The following UBE2D3 variants were observed in gnomAD, a reference collection of about 807,000 sequenced individuals.
The protein encoded by UBE2D3 is ubiquitin-conjugating enzyme E2 D3.
UBE2D3 carries 2 observed loss-of-function variants against 22.8 expected under a neutral mutation model. That is an observed-to-expected ratio of 0.09 (90% CI 0.04 to 0.28). UBE2D3 has a LOEUF of 0.28. Among genes scored for constraint, UBE2D3 ranks in the 10% least tolerant of loss-of-function variants. The probability of loss-of-function intolerance (pLI) is 1.00; values close to 1 mark genes in which losing one functional copy is unlikely to be tolerated. For synonymous variants in UBE2D3, 56 were observed against 60.4 expected, an observed-to-expected ratio of 0.93 and a Z score of 0.34; for missense variants, 27 against 182.5, an observed-to-expected ratio of 0.15 and a Z score of 4.91.
chr4:102,799,448 T>C lies in UBE2D3; in HGVS notation c.357A>G (p.Leu119=), dbSNP rs367690284. The C allele has an allele frequency of 6.2e-6, 10 of 1,612,300 alleles. No homozygotes were observed. The highest frequency in any genetic ancestry group is 5.3e-5 in the African/African-American group (4 of 74,832). ...LLCDPNPDDP[L]VPEIARIYKT... ...TATAGATCCGTGCAATCTCTGGCAC[T>C]AGGGGGTCATCTGGGTTTGGATCAC... Residue 119 remains leucine, a synonymous_variant, in exon 7 of 8, where the codon CTA becomes CTG. Coordinates refer to ENST00000453744, the MANE Select transcript of UBE2D3 (RefSeq NM_181891.3).
At chr4:102,819,537 G>A in intron 2 of UBE2D3, 1 of 984,390 alleles carries the variant, frequency 1.0e-6, no homozygotes. Context: ...ATAACCAAAA[G>A]GTAGCATTTA....
chr4:102,821,410 A>G (rs1235447390), intron 2 of UBE2D3, among the ~76,000 whole-genome samples: 3 of 152,250 alleles, frequency 2.0e-5, no homozygotes, highest in South Asian at 2.1e-4. Flanking sequence ...GAACGCAGAG[A>G]TTACCATAGA....
intron 1 of UBE2D3, among the ~76,000 whole-genome samples, chr4:102,854,605 C>A (rs1732543080): frequency 6.6e-6 from 1 of 152,202 alleles, no homozygotes; most frequent in South Asian, 2.1e-4. Context: ...CTTTGTCTGA[C>A]AATATAGCAA....
At chr4:102,828,316 A>G (rs1331605314), upstream of UBE2D3, 6 of 970,688 alleles carry the variant, frequency 6.2e-6, no homozygotes, top group Non-Finnish European at 7.3e-6. Flanking sequence ...CCGGTGGAGC[A>G]GGTGAGCAGT....
At chr4:102,853,135 A>ATCT (rs386626793) in intron 1 of UBE2D3, among the ~76,000 whole-genome samples, 922 of 88,498 alleles carry the variant, frequency 0.01, 174 homozygotes, top group African/African-American at 0.033. Flanking sequence ...AAACACACAC[A>ATCT]TTTTTTTTTT....
chr4:102,809,567 A>T (rs1387669747), intron 4 of UBE2D3, 105 bp downstream of exon 4: 3 of 1,186,162 alleles, frequency 2.5e-6, no homozygotes, highest in Non-Finnish European at 3.5e-6. Flanking sequence ...TCCAAAATAG[A>T]ATTAACTATA....
chr4:102,825,984 A>C, intron 2 of UBE2D3: 1 of 298,874 alleles, frequency 3.3e-6, no homozygotes, highest in East Asian at 9.6e-5. Flanking sequence ...TTCAATACGC[A>C]AGACTTCTTC....
At chr4:102,828,300 A>C (rs1386073727), upstream of UBE2D3, 1 of 983,152 alleles carries the variant, frequency 1.0e-6, no homozygotes, top group Non-Finnish European at 1.2e-6. Context: ...CGGGATTTTG[A>C]GGTTTCCGGT....
At chr4:102,857,308 C>G (rs1318815256) in intron 1 of UBE2D3, among the ~76,000 whole-genome samples, 3 of 152,184 alleles carry the variant, frequency 2.0e-5, no homozygotes, top group African/African-American at 7.2e-5. Flanking sequence ...ATCTGGTAGA[C>G]TGTTGCTATG....
intron 6 of UBE2D3, among the ~76,000 whole-genome samples, chr4:102,800,961 A>C (rs552405976): frequency 2.1e-4 from 32 of 152,154 alleles, no homozygotes; most frequent in African/African-American, 6.7e-4. Flanking sequence ...AGATTATATA[A>C]TTTTAGACTG....
rs201015930 is a variant in UBE2D3, at chr4:102,847,680, A to G, written c.-129+21035T>C. ...TTCGTTAGAGATAGGGTCCCACTCT[A>G]TCACCCAGGCTGGAGTGCAGTGGCA... is the stretch of plus-strand genomic sequence containing the variant. On this transcript the variant is annotated intron_variant, in intron 1 of 7. Transcript: ENST00000338145. Among the ~76,000 whole-genome samples the G allele has an allele frequency of 7.3e-5, 11 of 150,492 alleles. No individual in the cohort carries two copies. In the East Asian group the frequency reaches 1.6e-3, roughly 22 times the overall value.
At chr4:102,825,583 G>T in intron 2 of UBE2D3, 1 of 1,207,644 alleles carries the variant, frequency 8.3e-7, no homozygotes, top group Non-Finnish European at 1.1e-6. Context: ...TAAACCACCG[G>T]AGGTGGAGGT....
chr4:102,834,891 A>C (rs2110348780), intron 1 of UBE2D3, among the ~76,000 whole-genome samples: 1 of 151,648 alleles, frequency 6.6e-6, no homozygotes, highest in Admixed American at 6.6e-5. Flanking sequence ...GAGTCCTCCC[A>C]CCTCAGCCTC....
In UBE2D3 at chr4:102,796,175, T is replaced by C. The variant is rs1026869653; in HGVS notation, c.*1240A>G. 6.6e-6 allele frequency: 1 copy of C among 152,398 alleles called. No homozygotes were observed. Among genetic ancestry groups the C allele is most frequent in the African/African-American group, 2.4e-5 (1 of 41,418 alleles). The allele number at this position is 152,398 out of a possible 1,614,324, so 9.4% of individuals were successfully genotyped here. A position where few individuals can be genotyped will look rare whatever the true frequency, so the allele number is the denominator to read the frequency against. On this transcript the variant is annotated 3_prime_UTR_variant, in exon 8 of 8. Coordinates refer to ENST00000453744, the MANE Select transcript of UBE2D3 (RefSeq NM_181891.3). The stretch of plus-strand genomic sequence containing the variant: ...ACTTTATTTTGCAAATTTTGACCCA[T>C]TATTACTCCCATGTTGTTTTTTTTC...
At chr4:102,848,033 A>G (rs547497444) in intron 1 of UBE2D3, among the ~76,000 whole-genome samples, 1 of 152,238 alleles carries the variant, frequency 6.6e-6, no homozygotes, top group South Asian at 2.1e-4. Context: ...CCAAGGTCTG[A>G]TTTTTCACTC....
At chr4:102,801,094 T>C (rs547194817) in intron 6 of UBE2D3, among the ~76,000 whole-genome samples, 2 of 152,118 alleles carry the variant, frequency 1.3e-5, no homozygotes, top group South Asian at 4.1e-4. Flanking sequence ...TCAAAAGCTC[T>C]ATTAAGTTTA....
chr4:102,825,569 A>C, intron 2 of UBE2D3: 1 of 1,192,754 alleles, frequency 8.4e-7, no homozygotes, highest in Non-Finnish European at 1.1e-6. Flanking sequence ...CAAGAAAATG[A>C]GACTAAACCA....
chr4:102,822,624 A>G (rs1321565595), intron 2 of UBE2D3, among the ~76,000 whole-genome samples: 1 of 152,212 alleles, frequency 6.6e-6, no homozygotes, highest in Non-Finnish European at 1.5e-5. Context: ...AACTAAAATC[A>G]CATACATTAT....
intron 2 of UBE2D3, among the ~76,000 whole-genome samples, chr4:102,814,046 T>G (rs900691668): frequency 6.6e-6 from 1 of 152,202 alleles, no homozygotes; most frequent in Non-Finnish European, 1.5e-5. Flanking sequence ...ACCCTTTATA[T>G]GCTTGTCTGT....
Sources: allele counts gnomAD v4.1 joint callset (sites outside exome capture counted in the v4.1 genomes callset), GRCh38; gene constraint gnomAD v4.1.1; transcripts MANE v1.5; gene names NCBI Gene and HGNC (gene_info 2026-07-23, HGNC 2026-07-21).